Variants in TRAK1 observed in about 807,000 individuals in gnomAD.
TRAK1 encodes the protein trafficking kinesin protein 1.
Under a neutral mutation model 92.1 loss-of-function variants are expected in TRAK1, and 33 were observed. The ratio of observed to expected loss-of-function variants is 0.36; its 90% CI spans 0.27 to 0.48. TRAK1 has a LOEUF of 0.48. Among genes scored for constraint, TRAK1 ranks in the 20% least tolerant of loss-of-function variants. The pLI is 0.99. For synonymous variants in TRAK1, 521 were observed against 517.3 expected, an observed-to-expected ratio of 1.01 and a Z score of -0.10; for missense variants, 1,123 against 1,257.9, an observed-to-expected ratio of 0.89 and a Z score of 1.62.
At chr3:42,102,248 G>C (rs913099294) in intron 1 of TRAK1, among the ~76,000 whole-genome samples, 9 of 152,132 alleles carry the variant, frequency 5.9e-5, no homozygotes, top group African/African-American at 2.2e-4. Context: ...GGCCTCCCAG[G>C]GTGCTGGGAT....
At position 42,144,266 on chromosome 3, in the gene TRAK1, T is replaced by C. The variant is rs201155005; in HGVS notation, c.286+18652T>C. On this transcript the variant is annotated intron_variant, in intron 2 of 15. Coordinates refer to ENST00000327628, the MANE Select transcript of TRAK1 (RefSeq NM_001042646.3). ...TTGTTCATTTCCTGGCTTATTTCCC[T>C]TAAAAAAAAAAAGAAAGATTAGAGT... Among the ~76,000 whole-genome samples the C allele has an allele frequency of 5.8e-5, 7 of 121,374 alleles. No individual in the cohort carries two copies. The South Asian group carries it at 1.8e-3, about 31-fold the overall frequency. The allele number at this position is 121,374 out of a possible 152,430, so 79.6% of individuals were successfully genotyped here.
chr3:42,193,346 C>A, intron 8 of TRAK1, 141 bp downstream of exon 8: 3 of 1,203,586 alleles, frequency 2.5e-6, no homozygotes, highest in Non-Finnish European at 3.4e-6. Flanking sequence ...GCTTAGTGGA[C>A]TCAGTAGTAT....
At chr3:42,195,065 C>G in intron 10 of TRAK1, 124 bp downstream of exon 10, 5 of 1,204,114 alleles carry the variant, frequency 4.2e-6, no homozygotes, top group Middle Eastern at 4.7e-4. Context: ...CAGTTCAGAT[C>G]TGAGTCTGAA....
At chr3:42,197,741 C>G (rs971476184) in intron 10 of TRAK1, among the ~76,000 whole-genome samples, 1 of 152,146 alleles carries the variant, frequency 6.6e-6, no homozygotes, top group African/African-American at 2.4e-5. Flanking sequence ...CTGAAAAAAG[C>G]CTGCTAGCCC....
chr3:42,037,755 T>C (rs1702377119), intron 1 of TRAK1, among the ~76,000 whole-genome samples: 1 of 152,146 alleles, frequency 6.6e-6, no homozygotes. Context: ...TGGAGCAAAA[T>C]TGGAATCATG....
At chr3:42,015,143 G>T (rs2148873054) in intron 1 of TRAK1, among the ~76,000 whole-genome samples, 1 of 152,176 alleles carries the variant, frequency 6.6e-6, no homozygotes, top group East Asian at 1.9e-4. Flanking sequence ...GACCTGGAGT[G>T]ACAGATGGCG....
At chr3:42,115,609 T>G (rs1025957694) in intron 1 of TRAK1, among the ~76,000 whole-genome samples, 6 of 152,224 alleles carry the variant, frequency 3.9e-5, no homozygotes, top group African/African-American at 7.2e-5. Context: ...TTTCTTCTGT[T>G]GGTAATTAAG....
chr3:42,176,964 C>T, intron 3 of TRAK1, 74 bp downstream of exon 3: 3 of 1,329,564 alleles, frequency 2.3e-6, no homozygotes, highest in Non-Finnish European at 3.2e-6. Flanking sequence ...TAAAGCATGC[C>T]TTATCACCTG....
chr3:42,145,632 T>G (rs1056630617), intron 2 of TRAK1: 1 of 153,202 alleles, frequency 6.5e-6, no homozygotes, highest in African/African-American at 2.4e-5. Flanking sequence ...TACTTGATTT[T>G]GTTTACATCT....
At chr3:42,023,553 G>A (rs1283133992) in intron 1 of TRAK1, among the ~76,000 whole-genome samples, 1 of 152,024 alleles carries the variant, frequency 6.6e-6, no homozygotes, top group Admixed American at 6.6e-5. Flanking sequence ...GGGGGTTAGC[G>A]AGTGATAGTG....
At chr3:42,173,402 A>AT (rs1702806076) in intron 2 of TRAK1, among the ~76,000 whole-genome samples, 3 of 152,094 alleles carry the variant, frequency 2.0e-5, no homozygotes, top group South Asian at 4.2e-4. Flanking sequence ...ATGGTTTATT[A>AT]TTTTTTCACC....
At chr3:42,167,141 A>G (rs766426763) in intron 2 of TRAK1, among the ~76,000 whole-genome samples, 2 of 152,188 alleles carry the variant, frequency 1.3e-5, no homozygotes, top group African/African-American at 2.4e-5. Flanking sequence ...TGGCGTTCAG[A>G]TGACTTGTGG....
rs117455195 is a variant in TRAK1 at position 42,110,855 on chromosome 3, C to G, written c.92-14565C>G. ...TTCCCAGCGCAGGGCACTGCAGGTG[C>G]TTGTGAAGAACCAGATGGCTGCTCA... On this transcript the variant is annotated intron_variant, in intron 1 of 15. Coordinates refer to ENST00000327628, the MANE Select transcript of TRAK1 (RefSeq NM_001042646.3). 2.8e-3 allele frequency among the ~76,000 whole-genome samples: 423 copies of G among 152,324 alleles called. 17 individuals are homozygous for G. The East Asian group carries it at 0.069, about 25-fold the overall frequency.
chr3:42,219,756 G>T (rs929287872), intron 15 of TRAK1, among the ~76,000 whole-genome samples, 160 bp downstream of exon 15: 2 of 148,266 alleles, frequency 1.3e-5, no homozygotes, highest in African/African-American at 5.0e-5. Context: ...CTTGTTCTGG[G>T]TCCCATCCTT....
chr3:42,200,818 T>C lies in TRAK1; in HGVS notation c.1191T>C (p.Thr397=). The C allele has an allele frequency of 6.2e-7, 1 of 1,614,134 alleles. No homozygotes were observed. Among genetic ancestry groups the C allele is most frequent in the Non-Finnish European group, 8.5e-7 (1 of 1,180,006 alleles). ...CACGGATGCCGTGCATTCTCCCTAG[T>C]CACCAGAAGCGTGTCTTTGAGACAG... ...QLEEAESPDI[T]HQKRVFETVR... The change falls in exon 12 of 16, where the codon ACT becomes ACC. Residue 397 remains threonine (T), a splice_region_variant and synonymous_variant. Transcript: ENST00000327628.
chr3:42,082,246 T>G (rs951978298), upstream of TRAK1, among the ~76,000 whole-genome samples: 11 of 152,202 alleles, frequency 7.2e-5, no homozygotes, highest in African/African-American at 2.7e-4. Context: ...TCCCTCATTT[T>G]ATAGGTAGTG....
intron 1 of TRAK1, among the ~76,000 whole-genome samples, chr3:42,050,886 C>A (rs1234080555): frequency 1.3e-5 from 2 of 152,022 alleles, no homozygotes; most frequent in Admixed American, 1.3e-4. Flanking sequence ...ATTATTATAT[C>A]TTTTAAAAAC....
chr3:42,210,367 A>G, intron 14 of TRAK1: 1 of 1,307,806 alleles, frequency 7.6e-7, no homozygotes, highest in Non-Finnish European at 9.7e-7. Flanking sequence ...TGCATGGCCC[A>G]TCAGGGATCT....
At chr3:42,103,385 G>T (rs1182590030) in intron 1 of TRAK1, among the ~76,000 whole-genome samples, 5 of 152,054 alleles carry the variant, frequency 3.3e-5, no homozygotes, top group Admixed American at 3.3e-4. Context: ...GGGTTGGCCA[G>T]GCTGGTCTCA....
Sources: gnomAD v4.1 joint callset for allele counts (sites outside exome capture counted in the v4.1 genomes callset) on GRCh38, gnomAD v4.1.1 for gene constraint, MANE v1.5 for transcripts, NCBI Gene and HGNC (gene_info 2026-07-23, HGNC 2026-07-21) for gene names.